The following SYT16 variants were observed in gnomAD, a reference collection of about 807,000 sequenced individuals.
The protein encoded by SYT16 is synaptotagmin-16.
Under a neutral mutation model 61.4 loss-of-function variants are expected in SYT16, and 42 were observed. The observed-to-expected ratio is 0.68, with a 90% confidence interval of 0.53 to 0.89. The LOEUF (loss-of-function observed/expected upper bound fraction) is 0.89, where lower values mean the gene tolerates loss of function less well. Ranked by LOEUF, SYT16 falls within the 40% of genes least tolerant of loss-of-function variation. SYT16 has a pLI of 0.00. For synonymous variants in SYT16, 314 were observed against 302.3 expected (o/e 1.04, Z -0.40); for missense variants, 804 against 807.3 (o/e 1.00, Z 0.05).
chr14:62,046,505 G>A (rs1272837581), intron 3 of SYT16, among the ~76,000 whole-genome samples: 14 of 152,098 alleles, frequency 9.2e-5, no homozygotes, highest in Non-Finnish European at 1.9e-4. Flanking sequence ...TGCTTTTGGT[G>A]TTTTAGACAT....
chr14:61,965,197 C>A (rs1329838267), intron 1 of SYT16, among the ~76,000 whole-genome samples: 2 of 152,072 alleles, frequency 1.3e-5, no homozygotes, highest in African/African-American at 4.8e-5. Context: ...AAACAGGGCC[C>A]TTTTTGTGCA....
chr14:61,837,892 G>A (rs1439724689), intron 1 of SYT16, among the ~76,000 whole-genome samples: 3 of 152,188 alleles, frequency 2.0e-5, no homozygotes, highest in Admixed American at 1.3e-4. Context: ...GATTGCTTCT[G>A]CCTTTAGCTT....
At chr14:62,083,279 G>T (rs751172560) in intron 6 of SYT16, among the ~76,000 whole-genome samples, 1 of 152,206 alleles carries the variant, frequency 6.6e-6, no homozygotes, top group Non-Finnish European at 1.5e-5. Flanking sequence ...TTGAAGAAAT[G>T]ATTTCAAACA....
chr14:61,987,625 T>C (rs2052369303), intron 2 of SYT16, among the ~76,000 whole-genome samples: 1 of 152,152 alleles, frequency 6.6e-6, no homozygotes, highest in Non-Finnish European at 1.5e-5. Flanking sequence ...TCAAAGGTAA[T>C]TATTAGTTTC....
At chr14:61,958,635 T>G (rs1427772775) in intron 1 of SYT16, among the ~76,000 whole-genome samples, 1 of 152,116 alleles carries the variant, frequency 6.6e-6, no homozygotes, top group African/African-American at 2.4e-5. Flanking sequence ...GATTTCAGTC[T>G]TCTTAAGTTT....
intron 1 of SYT16, among the ~76,000 whole-genome samples, chr14:61,873,802 A>C (rs1201462685): frequency 1.3e-5 from 2 of 152,216 alleles, no homozygotes; most frequent in South Asian, 4.1e-4. Context: ...AAGTAGGATG[A>C]TGTCTTCCTC....
chr14:61,897,551 C>CT (rs901311529), intron 1 of SYT16, among the ~76,000 whole-genome samples: 1 of 152,026 alleles, frequency 6.6e-6, no homozygotes, highest in Admixed American at 6.6e-5. Flanking sequence ...ACCACTTGGA[C>CT]TTTTTTCAGA....
At chr14:61,828,169 C>T (rs1379193999) in intron 1 of SYT16, among the ~76,000 whole-genome samples, 1 of 152,090 alleles carries the variant, frequency 6.6e-6, no homozygotes, top group African/African-American at 2.4e-5. Flanking sequence ...CTTGCTGGCA[C>T]CTTGCTCTTG....
intron 7 of SYT16, among the ~76,000 whole-genome samples, chr14:62,095,453 G>A (rs1200468337): frequency 6.6e-6 from 1 of 151,700 alleles, no homozygotes; most frequent in Non-Finnish European, 1.5e-5. Context: ...TAATACATCA[G>A]CAACAATCAG....
At chr14:62,033,608 C>T (rs1047364856) in intron 3 of SYT16, among the ~76,000 whole-genome samples, 32 of 151,974 alleles carry the variant, frequency 2.1e-4, no homozygotes, top group African/African-American at 7.2e-4. Flanking sequence ...GAGTTAGTGC[C>T]CCATAGGAAA....
At chr14:62,052,972 G>T (rs915049572) in intron 3 of SYT16, among the ~76,000 whole-genome samples, 1 of 152,184 alleles carries the variant, frequency 6.6e-6, no homozygotes, top group African/African-American at 2.4e-5. Context: ...GAGCAGTGGG[G>T]TGCTGCTGTA....
At chr14:61,982,980 A>C (rs144952602) in intron 2 of SYT16, among the ~76,000 whole-genome samples, 48 of 152,318 alleles carry the variant, frequency 3.2e-4, no homozygotes, top group African/African-American at 1.1e-3. Flanking sequence ...TGTCAGCAAG[A>C]TCCTAATATT....
At chr14:61,824,769 T>G (rs2045723843) in intron 1 of SYT16, among the ~76,000 whole-genome samples, 1 of 152,202 alleles carries the variant, frequency 6.6e-6, no homozygotes, top group South Asian at 2.1e-4. Flanking sequence ...CTCAAGGTAA[T>G]GGTGGTCCCT....
chr14:61,941,491 C>T (rs568812185), intron 1 of SYT16, among the ~76,000 whole-genome samples: 1 of 152,204 alleles, frequency 6.6e-6, no homozygotes, highest in Non-Finnish European at 1.5e-5. Context: ...ACTCTTCTTG[C>T]AATCCGTAGT....
At chr14:61,884,817 G>A (rs939317055) in intron 1 of SYT16, among the ~76,000 whole-genome samples, 1 of 152,144 alleles carries the variant, frequency 6.6e-6, no homozygotes, top group Non-Finnish European at 1.5e-5. Context: ...GGGGGATGAA[G>A]TCACTCTTCC....
Position 62,064,297 on chromosome 14 carries a change from G to A in SYT16, c.524-5306G>A, listed in dbSNP as rs569130429. Among the ~76,000 whole-genome samples, 18 of 138,896 alleles carry A rather than the reference G, an allele frequency of 1.3e-4. No individual in the cohort carries two copies. The East Asian group carries it at 3.6e-3, about 28-fold the overall frequency. 91.1% of individuals were successfully genotyped at this position (138,896 alleles called of 152,430 possible). On this transcript the variant is annotated intron_variant, in intron 3 of 7. Transcript: ENST00000683842. ...AGATACATTGAAAGGCAAGTAGCTG[G>A]GATCTTGCAAATAGACAAGAGCCAA...
chr14:61,934,952 G>A (rs537719499), intron 1 of SYT16, among the ~76,000 whole-genome samples: 1 of 152,136 alleles, frequency 6.6e-6, no homozygotes, highest in African/African-American at 2.4e-5. Flanking sequence ...TTGCGAAAGA[G>A]TATTTTCATT....
At chr14:61,885,403 GAT>G (rs2047861726) in intron 1 of SYT16, among the ~76,000 whole-genome samples, 2 of 152,092 alleles carry the variant, frequency 1.3e-5, no homozygotes, top group Non-Finnish European at 2.9e-5. Context: ...TGATGATGAT[GAT>G]GATGATTACT....
chr14:62,078,763 C>T (rs981510738), intron 5 of SYT16, among the ~76,000 whole-genome samples: 7 of 152,172 alleles, frequency 4.6e-5, no homozygotes, highest in African/African-American at 1.4e-4. Flanking sequence ...TGGTGTCAAG[C>T]AGGGTTCTGC....
Sources: allele counts gnomAD v4.1 joint callset (sites outside exome capture counted in the v4.1 genomes callset), GRCh38; gene constraint gnomAD v4.1.1; transcripts MANE v1.5; gene names NCBI Gene and HGNC (gene_info 2026-07-23, HGNC 2026-07-21).